Variants in SLC12A1 observed in about 807,000 individuals in gnomAD.
The protein encoded by SLC12A1 is solute carrier family 12 member 1.
SLC12A1 carries 89 observed loss-of-function variants against 130.4 expected under a neutral mutation model. That is an observed-to-expected ratio of 0.68 (90% CI 0.58 to 0.81). SLC12A1 has a LOEUF of 0.81. Among genes scored for constraint, SLC12A1 ranks in the 40% least tolerant of loss-of-function variants. SLC12A1 has a pLI of 0.00. For synonymous variants in SLC12A1, 499 were observed against 460.0 expected, an observed-to-expected ratio of 1.08 and a Z score of -1.09; for missense variants, 1,310 against 1,336.4, an observed-to-expected ratio of 0.98 and a Z score of 0.31.
intron 8 of SLC12A1, among the ~76,000 whole-genome samples, chr15:48,233,926 T>C (rs2041408882): frequency 6.6e-6 from 1 of 152,222 alleles, no homozygotes; most frequent in African/African-American, 2.4e-5. Context: ...TTCTAGGTTG[T>C]TTCCTTTTTA....
At chr15:48,215,252 C>A (rs1266785979) in intron 2 of SLC12A1, among the ~76,000 whole-genome samples, 1 of 151,864 alleles carries the variant, frequency 6.6e-6, no homozygotes, top group Non-Finnish European at 1.5e-5. Context: ...GAACTCATTG[C>A]CCTTTAAACT....
At chr15:48,256,108 A>T (rs918302750) in intron 16 of SLC12A1, among the ~76,000 whole-genome samples, 198 bp downstream of exon 16, 1 of 152,216 alleles carries the variant, frequency 6.6e-6, no homozygotes, top group Non-Finnish European at 1.5e-5. Flanking sequence ...AGCTATGCCC[A>T]TCCCAAACTA....
intron 24 of SLC12A1, among the ~76,000 whole-genome samples, chr15:48,296,561 C>G (rs2141125890): frequency 6.6e-6 from 1 of 152,238 alleles, no homozygotes; most frequent in Middle Eastern, 3.4e-3. Flanking sequence ...GTCCCAGAAA[C>G]AGTTGGTACA....
intron 23 of SLC12A1, 48 bp downstream of exon 23, chr15:48,288,564 C>T (rs1384314422): frequency 4.7e-6 from 4 of 848,222 alleles, no homozygotes; most frequent in Non-Finnish European, 1.9e-6. Flanking sequence ...AGGTTTGTTG[C>T]TTTAATGCTT....
intron 23 of SLC12A1, among the ~76,000 whole-genome samples, chr15:48,290,452 ATGT>A (rs1485402347): frequency 1.3e-5 from 2 of 152,228 alleles, no homozygotes; most frequent in Non-Finnish European, 2.9e-5. Flanking sequence ...GTCATTTATT[ATGT>A]TATCAAGTAT....
rs1410440325 is a variant in SLC12A1, at chr15:48,232,764, T to C, written c.1013T>C (p.Ile338Thr). 1.3e-5 allele frequency: 21 copies of C among 1,613,294 alleles called. No homozygotes were observed. Among genetic ancestry groups the C allele is most frequent in the Non-Finnish European group, 1.7e-5 (20 of 1,179,324 alleles). Reference protein sequence around the residue: ...VILLVILLIAIANFFIGTVIP... With the variant: ...VILLVILLIATANFFIGTVIP... ...CTTCTGGTCATTCTTCTAATTGCTA[T>C]TGCAAACTTCTTCATTGGAACTGTC... Residue 338 changes from isoleucine to threonine, a missense_variant, in exon 8 of 27, where the codon ATT (isoleucine) becomes ACT (threonine). Ile to Thr is a moderately conservative substitution (Grantham distance 89, BLOSUM62 -1). Transcript: ENST00000380993.
rs747751474 is a variant in SLC12A1, at chr15:48,220,881, C to G, written c.553-40C>G. 3.1e-6 allele frequency: 5 copies of G among 1,611,912 alleles called. No individual in the cohort carries two copies. The Admixed American group carries it at 8.3e-5, about 27-fold the overall frequency. On this transcript the variant is annotated intron_variant, in intron 3 of 26. Transcript: ENST00000380993. ...AGAGCCCCGGGTTTTGTCCCACTAT[C>G]GTTTGTCCTGTCTCCTTTCAATACC... is the stretch of plus-strand genomic sequence containing the variant.
intron 19 of SLC12A1, among the ~76,000 whole-genome samples, chr15:48,273,100 CA>C (rs58343718): frequency 0.042 from 3,474 of 81,986 alleles, 118 homozygotes; most frequent in African/African-American, 0.12. Context: ...GTCAGACTGT[CA>C]AAAAAAAAAA....
At chr15:48,221,638 T>C (rs1319140109) in intron 4 of SLC12A1, among the ~76,000 whole-genome samples, 1 of 152,358 alleles carries the variant, frequency 6.6e-6, no homozygotes, top group East Asian at 1.9e-4. Flanking sequence ...ATGTTTTAAA[T>C]ATTACATTCT....
In SLC12A1 at chr15:48,291,808, A is replaced by G; in HGVS notation, c.2904A>G (p.Ile968Met). 1 of 1,568,968 alleles carries G rather than the reference A, an allele frequency of 6.4e-7. No individual in the cohort carries two copies. The highest frequency in any genetic ancestry group is 1.2e-5 in the South Asian group (1 of 85,042). ...CTTCCCTTCTGAGCAAATTTAGGAT[A>G]AAATTTGCAGACATCCATATCATCG... ...VMASLLSKFRIKFADIHIIGD... is the reference protein window; with the variant it reads ...VMASLLSKFRMKFADIHIIGD... Residue 968 changes from isoleucine to methionine, a missense_variant, in exon 24 of 27, where the codon ATA (isoleucine) becomes ATG (methionine). Ile to Met is a conservative substitution (Grantham distance 10). Coordinates refer to ENST00000380993, the MANE Select transcript of SLC12A1 (RefSeq NM_000338.3).
intron 24 of SLC12A1, among the ~76,000 whole-genome samples, chr15:48,292,133 T>A (rs1345182255): frequency 6.6e-6 from 1 of 152,244 alleles, no homozygotes; most frequent in Non-Finnish European, 1.5e-5. Context: ...TGTTCTTGTT[T>A]TCTATGGTGG....
At chr15:48,228,898 G>T in intron 5 of SLC12A1, 1 of 245,400 alleles carries the variant, frequency 4.1e-6, no homozygotes, top group Non-Finnish European at 7.8e-6. Flanking sequence ...TTTTTATAAA[G>T]ACAACGCATT....
At chr15:48,276,595 G>A (rs546715084) in intron 20 of SLC12A1, among the ~76,000 whole-genome samples, 2 of 152,252 alleles carry the variant, frequency 1.3e-5, no homozygotes, top group South Asian at 2.1e-4. Flanking sequence ...CAATCCTACC[G>A]ATGCCTTGAC....
At chr15:48,241,902 C>T (rs999128684) in intron 10 of SLC12A1, among the ~76,000 whole-genome samples, 4 of 152,102 alleles carry the variant, frequency 2.6e-5, no homozygotes, top group African/African-American at 9.7e-5. Context: ...AGGAGGCCAC[C>T]ACTTCTGGCA....
At chr15:48,302,255 C>A (rs1481749233) in intron 26 of SLC12A1, among the ~76,000 whole-genome samples, 3 of 152,100 alleles carry the variant, frequency 2.0e-5, no homozygotes, top group Non-Finnish European at 2.9e-5. Context: ...GATAGTATTA[C>A]CTGAAAAATA....
chr15:48,274,524 A>T, intron 19 of SLC12A1, 47 bp from the exon 20 acceptor site: 2 of 1,239,500 alleles, frequency 1.6e-6, no homozygotes, highest in Non-Finnish European at 2.4e-6. Context: ...AAGCTTGAGG[A>T]TTAAAAGAGC....
chr15:48,243,383 T>G (rs1020373108), intron 10 of SLC12A1, among the ~76,000 whole-genome samples: 6 of 152,014 alleles, frequency 3.9e-5, no homozygotes, highest in Non-Finnish European at 7.4e-5. Context: ...ATTGGCCAGG[T>G]GCAGTGGCTC....
intron 9 of SLC12A1, chr15:48,236,974 C>A: frequency 1.4e-6 from 1 of 699,932 alleles, no homozygotes; most frequent in African/African-American, 1.7e-5. Flanking sequence ...CACTGAGTGC[C>A]TGTTCACACC....
At chr15:48,259,591 C>A (rs2041747179) in intron 17 of SLC12A1, among the ~76,000 whole-genome samples, 1 of 151,940 alleles carries the variant, frequency 6.6e-6, no homozygotes, top group Non-Finnish European at 1.5e-5. Context: ...ATAGCTGGCT[C>A]AGAAATAAAA....
Sources: gnomAD v4.1 joint callset for allele counts (sites outside exome capture counted in the v4.1 genomes callset) on GRCh38, gnomAD v4.1.1 for gene constraint, MANE v1.5 for transcripts, NCBI Gene and HGNC (gene_info 2026-07-23, HGNC 2026-07-21) for gene names.